The following CPA4 variants were observed in gnomAD, a reference collection of about 807,000 sequenced individuals.
The protein encoded by CPA4 is carboxypeptidase A4.
CPA4 carries 49 observed loss-of-function variants against 54.7 expected under a neutral mutation model. The observed-to-expected ratio is 0.90, with a 90% confidence interval of 0.71 to 1.14. The LOEUF is 1.14. Ranked by LOEUF, CPA4 falls within the 50% of genes most tolerant of loss-of-function variation. CPA4 has a pLI of 0.00. For missense variants in CPA4, 487 were observed against 525.1 expected, an observed-to-expected ratio of 0.93 and a Z score of 0.71; for synonymous variants, 215 against 206.8, an observed-to-expected ratio of 1.04 and a Z score of -0.34.
chr7:130,298,849 TC>T, intron 2 of CPA4, 22 bp downstream of exon 2: 2 of 1,435,964 alleles, frequency 1.4e-6, no homozygotes, highest in Non-Finnish European at 2.0e-6. Context: ...TTTTTAGCTC[TC>T]CTGAGTGTTT....
At chr7:130,300,233 A>G (rs562970531) in intron 3 of CPA4, among the ~76,000 whole-genome samples, 37 of 152,196 alleles carry the variant, frequency 2.4e-4, no homozygotes, top group Non-Finnish European at 4.6e-4. Flanking sequence ...GCTGATGTCT[A>G]CAGAGTTCAT....
intron 1 of CPA4, among the ~76,000 whole-genome samples, chr7:130,298,418 C>T (rs926492783): frequency 2.0e-5 from 3 of 152,184 alleles, no homozygotes; most frequent in East Asian, 1.9e-4. Flanking sequence ...TCCCACGACC[C>T]GAACATAAGG....
intron 10 of CPA4, among the ~76,000 whole-genome samples, chr7:130,314,496 T>G (rs919637113): frequency 6.6e-6 from 1 of 152,184 alleles, no homozygotes; most frequent in Non-Finnish European, 1.5e-5. Context: ...CATGAAGGGT[T>G]GTAGGAAGAG....
In CPA4 at chr7:130,308,298, C is replaced by G. The variant is rs368200570; in HGVS notation, c.703-9C>G. ...TGGTTGTTTGTCCCCTCCTTGGTGG[C>G]TTTTTCAGAACCGATTATGGAGGAA... On this transcript the variant is annotated splice_polypyrimidine_tract_variant and intron_variant, in intron 7 of 10. Coordinates refer to ENST00000222482, the MANE Select transcript of CPA4 (RefSeq NM_016352.4). 6.2e-6 allele frequency: 10 copies of G among 1,613,464 alleles called. No individual in the cohort carries two copies. In the African/African-American group the frequency reaches 1.3e-4, roughly 22 times the overall value.
chr7:130,301,777 A>T (rs1793742166), intron 4 of CPA4, among the ~76,000 whole-genome samples: 1 of 151,954 alleles, frequency 6.6e-6, no homozygotes, highest in African/African-American at 2.4e-5. Context: ...AGCTTTGTTT[A>T]TTGTATATAC....
intron 1 of CPA4, among the ~76,000 whole-genome samples, chr7:130,294,583 G>A (rs1048990330): frequency 5.3e-5 from 8 of 152,188 alleles, no homozygotes; most frequent in African/African-American, 1.9e-4. Context: ...TCTCTATTTC[G>A]CAAGATACAG....
At chr7:130,322,452 A>C in intron 10 of CPA4, 37 bp from the exon 11 acceptor site, 2 of 1,560,528 alleles carry the variant, frequency 1.3e-6, no homozygotes, top group Non-Finnish European at 1.8e-6. Context: ...CCAGGAGGGA[A>C]CTGGGCTTCA....
rs1160269827 is a variant in CPA4, at chr7:130,322,684, C to A, written c.*8C>A. The A allele has an allele frequency of 1.9e-6, 3 of 1,610,318 alleles. No homozygotes were observed. The East Asian group carries it at 6.7e-5, about 36-fold the overall frequency. ...CGGGACAACCTCTACTAGGCGATGGCTCTGCTCTGTCTACATTTATTTGTA... is the reference window on the plus strand; with the variant it reads ...CGGGACAACCTCTACTAGGCGATGGATCTGCTCTGTCTACATTTATTTGTA... On this transcript the variant is annotated 3_prime_UTR_variant, in exon 11 of 11. Coordinates refer to ENST00000222482, the MANE Select transcript of CPA4 (RefSeq NM_016352.4).
At chr7:130,305,565 G>A (rs542038585) in intron 5 of CPA4, among the ~76,000 whole-genome samples, 2 of 152,280 alleles carry the variant, frequency 1.3e-5, no homozygotes, top group South Asian at 2.1e-4. Context: ...ACACAGTAAC[G>A]GTTGTTTCCC....
chr7:130,321,216 A>T (rs183836517), intron 10 of CPA4, among the ~76,000 whole-genome samples: 1 of 152,272 alleles, frequency 6.6e-6, no homozygotes, highest in African/African-American at 2.4e-5. Context: ...AGAAAAAATT[A>T]TCTATGCTTT....
In CPA4 at chr7:130,293,321, C is replaced by T. The variant is rs910115097; in HGVS notation, c.68+73C>T. 3.5e-6 allele frequency: 3 copies of T among 862,804 alleles called. No homozygotes were observed. In the African/African-American group the frequency reaches 5.0e-5, roughly 14 times the overall value. 53.4% of individuals were successfully genotyped at this position (862,804 alleles called of 1,614,324 possible). The stretch of plus-strand genomic sequence containing the variant: ...GCCAAATGGAACTGAAAATGAATGG[C>T]TGATAATAGCTCACATGGAGGAAGA... On this transcript the variant is annotated intron_variant, in intron 1 of 10. Transcript: ENST00000222482.
intron 1 of CPA4, among the ~76,000 whole-genome samples, chr7:130,296,963 G>T (rs3778856): frequency 6.7e-6 from 1 of 149,668 alleles, no homozygotes; most frequent in African/African-American, 2.5e-5. Flanking sequence ...TTTAATTTTA[G>T]TTTTTTGAGA....
In CPA4 at chr7:130,322,834, G is replaced by GTT. The variant is rs1794138963; in HGVS notation, c.*159_*160insTT. On this transcript the variant is annotated 3_prime_UTR_variant, in exon 11 of 11. Transcript: ENST00000222482. ...TCCAGCCAGCTCCCTGGAGTCGTGTGTCCTGGCAGTGTCCCTGCAAGAACT... is the reference window on the plus strand; with the variant it reads ...TCCAGCCAGCTCCCTGGAGTCGTGTGTTTCCTGGCAGTGTCCCTGCAAGAACT... The GTT allele has an allele frequency of 1.4e-5, 9 of 646,460 alleles. No individual in the cohort carries two copies. The East Asian group carries it at 2.6e-4, about 19-fold the overall frequency. 40.0% of individuals were successfully genotyped at this position (646,460 alleles called of 1,614,324 possible). A position where few individuals can be genotyped will look rare whatever the true frequency, so the allele number is the denominator to read the frequency against.
intron 1 of CPA4, among the ~76,000 whole-genome samples, chr7:130,296,425 C>G (rs183954607): frequency 2.0e-5 from 3 of 152,162 alleles, no homozygotes; most frequent in Admixed American, 6.5e-5. Flanking sequence ...CCTGGGACTG[C>G]GCCCAGGAAT....
At chr7:130,298,887 G>T in intron 2 of CPA4, 60 bp downstream of exon 2, 1 of 942,982 alleles carries the variant, frequency 1.1e-6, no homozygotes, top group South Asian at 1.4e-5. Flanking sequence ...GAAGACTCTT[G>T]CTCTACTGGC....
At position 130,304,533 on chromosome 7, in the gene CPA4, T is replaced by A; in HGVS notation, c.440T>A (p.Val147Glu). ...AADFPDLARR[V>E]KIGHSFENRP... ...GACTTTCCTGACCTGGCGAGGAGGG[T>A]GAAGATTGGACATTCGTTTGAAAAC... The change falls in exon 5 of 11, where the codon GTG becomes GAG. Residue 147 changes from valine to glutamate, a missense_variant. Physicochemically the swap from Val to Glu is moderately radical, Grantham distance 121. Coordinates refer to ENST00000222482, the MANE Select transcript of CPA4 (RefSeq NM_016352.4). 6.2e-7 allele frequency: 1 copy of A among 1,613,598 alleles called. No individual in the cohort carries two copies. Among genetic ancestry groups the A allele is most frequent in the East Asian group, 2.2e-5 (1 of 44,876 alleles).
At chr7:130,296,068 G>A (rs1383247794) in intron 1 of CPA4, among the ~76,000 whole-genome samples, 2 of 152,176 alleles carry the variant, frequency 1.3e-5, no homozygotes, top group Admixed American at 6.5e-5. Context: ...GCTTCCTCTG[G>A]TCAGGAAAAG....
chr7:130,301,886 A>C (rs1334834983), intron 4 of CPA4, among the ~76,000 whole-genome samples: 1 of 152,224 alleles, frequency 6.6e-6, no homozygotes, highest in Non-Finnish European at 1.5e-5. Flanking sequence ...CCATGGACGA[A>C]AGCAGAGCTC....
chr7:130,304,187 C>T (rs965331206), intron 4 of CPA4, among the ~76,000 whole-genome samples: 1 of 152,118 alleles, frequency 6.6e-6, no homozygotes, highest in African/African-American at 2.4e-5. Context: ...ACTGTCCAGT[C>T]TAGTACAGTG....
Sources: gnomAD v4.1 joint callset for allele counts (sites outside exome capture counted in the v4.1 genomes callset) on GRCh38, gnomAD v4.1.1 for gene constraint, MANE v1.5 for transcripts, NCBI Gene and HGNC (gene_info 2026-07-23, HGNC 2026-07-21) for gene names.